DPH6: variants seen among roughly 807,000 people sequenced by gnomAD.
DPH6 encodes diphthamine biosynthesis 6, also known as diphthine--ammonia ligase.
Under a neutral mutation model 38.2 loss-of-function variants are expected in DPH6, and 33 were observed. The observed-to-expected ratio is 0.86, with a 90% CI of 0.65 to 1.15. The LOEUF (loss-of-function observed/expected upper bound fraction) is 1.15, where lower values mean the gene tolerates loss of function less well. Among genes scored for constraint, DPH6 ranks in the 50% most tolerant of loss-of-function variants. DPH6 has a pLI of 0.00. For synonymous variants in DPH6, 108 were observed against 103.0 expected (o/e 1.05, Z -0.30); for missense variants, 325 against 320.0 (o/e 1.02, Z -0.12).
At chr15:35,458,405 T>C (rs1004725929) in intron 3 of DPH6, among the ~76,000 whole-genome samples, 1 of 152,102 alleles carries the variant, frequency 6.6e-6, no homozygotes, top group Admixed American at 6.5e-5. Context: ...ACCTGAATAA[T>C]CCAGGGATAA....
At position 35,433,277 on chromosome 15, in the gene DPH6, A is replaced by C. The variant is rs148205287; in HGVS notation, c.505+17408T>G. Among the ~76,000 whole-genome samples, 650 of 152,322 alleles carry C rather than the reference A, an allele frequency of 4.3e-3. 5 individuals are homozygous for C. The highest frequency in any genetic ancestry group is 0.015 in the African/African-American group (622 of 41,566). ...AAATTAAAGGATGATAGCAATTGAT[A>C]TACACACCAACAAGTATAGGCAAGG... On this transcript the variant is annotated intron_variant, in intron 5 of 8. Transcript: ENST00000256538.
chr15:35,434,568 C>G (rs991802006), intron 5 of DPH6, among the ~76,000 whole-genome samples: 1 of 151,856 alleles, frequency 6.6e-6, no homozygotes, highest in Non-Finnish European at 1.5e-5. Context: ...AATGTTACGC[C>G]AATTATAAAA....
chr15:35,475,519 T>G (rs1005148053), intron 3 of DPH6, among the ~76,000 whole-genome samples: 33 of 151,984 alleles, frequency 2.2e-4, no homozygotes, highest in African/African-American at 7.7e-4. Flanking sequence ...TTAAAGAAAC[T>G]GCTATGCTAT....
At chr15:35,234,462 C>T (rs1336994529) in intron 3 of DPH6, among the ~76,000 whole-genome samples, 1 of 152,236 alleles carries the variant, frequency 6.6e-6, no homozygotes, top group Non-Finnish European at 1.5e-5. Context: ...ACCATGTCTA[C>T]AGCTTGAAAT....
intron 3 of DPH6, among the ~76,000 whole-genome samples, chr15:35,296,804 C>CTTTTTTTTTTTTTTTTTTTTTTT (rs772132282): frequency 1.6e-5 from 2 of 127,332 alleles, no homozygotes; most frequent in Admixed American, 7.9e-5. Flanking sequence ...GGCCTGGCTT[C>CTTTTTTTTTTTTTTTTTTTTTTT]TTTTTTTTTT....
chr15:35,171,702 G>T, the DPH6 span, among the ~76,000 whole-genome samples: 149,661 of 152,058 alleles, frequency 0.98, 73,706 homozygotes, highest in East Asian at 1. Flanking sequence ...CAGAAGTGCT[G>T]CAGACGTTGG....
chr15:35,207,284 G>A, the DPH6 span, among the ~76,000 whole-genome samples: 1 of 151,836 alleles, frequency 6.6e-6, no homozygotes, highest in African/African-American at 2.4e-5. Flanking sequence ...CTGGGCTCAA[G>A]GGATCCTCCC....
At chr15:35,352,166 G>C (rs764940731) in intron 3 of DPH6, among the ~76,000 whole-genome samples, 11 of 151,900 alleles carry the variant, frequency 7.2e-5, no homozygotes, top group Non-Finnish European at 1.6e-4. Flanking sequence ...TTGTCTTTAT[G>C]TTTAGCTTTC....
intron 1 of DPH6, 43 bp from the exon 2 acceptor site, chr15:35,542,550 C>T: frequency 1.3e-5 from 19 of 1,479,462 alleles, no homozygotes; most frequent in Non-Finnish European, 1.8e-5. Flanking sequence ...ATGCTACTGA[C>T]CATTATTCAA....
intron 3 of DPH6, chr15:35,298,857 T>C: frequency 9.9e-7 from 1 of 1,009,578 alleles, no homozygotes; most frequent in Non-Finnish European, 1.6e-6. Context: ...GTGATCGAGG[T>C]CTTGAGTCCT....
At chr15:35,218,649 C>T (rs1412348446) in exon 4 of DPH6, 2 of 151,996 alleles carry the variant, frequency 1.3e-5, no homozygotes, top group Non-Finnish European at 2.9e-5. Context: ...TATGATAATC[C>T]TCTCTTCTTT....
chr15:35,501,513 T>C (rs1269744566), intron 3 of DPH6, among the ~76,000 whole-genome samples: 1 of 152,144 alleles, frequency 6.6e-6, no homozygotes, highest in Non-Finnish European at 1.5e-5. Flanking sequence ...TTCCTGGTAA[T>C]AAAGGCTTGG....
At position 35,428,966 on chromosome 15, in the gene DPH6, C is replaced by A. The variant is rs565400691; in HGVS notation, c.506-18070G>T. On this transcript the variant is annotated intron_variant, in intron 5 of 8. Coordinates refer to ENST00000256538, the MANE Select transcript of DPH6 (RefSeq NM_080650.4). The stretch of plus-strand genomic sequence containing the variant: ...CATAAAAAAGAAAATTTAAGTTTTT[C>A]ATATTATAAAATTTCTGAAGATATG... Among the ~76,000 whole-genome samples, 223 of 152,210 alleles carry A rather than the reference C, an allele frequency of 1.5e-3. 1 individual carries two copies. Among genetic ancestry groups the A allele is most frequent in the African/African-American group, 5.2e-3 (217 of 41,542 alleles).
intron 5 of DPH6, among the ~76,000 whole-genome samples, chr15:35,438,416 GAGA>G (rs1380805122): frequency 6.6e-6 from 1 of 152,172 alleles, no homozygotes; most frequent in Non-Finnish European, 1.5e-5. Context: ...TCCATTTTGG[GAGA>G]AGCCTCCGTT....
chr15:35,266,503 G>C lies in DPH6; in HGVS notation n.201-45921C>G, dbSNP rs148674235. On this transcript the variant is annotated intron_variant and non_coding_transcript_variant, in intron 3 of 3. Transcript: ENST00000560386. ...GGGACTAAACTTTCAATTTATTTTA[G>C]TTCTGAACTAGTTAGAGTTTGCACT... is the stretch of plus-strand genomic sequence containing the variant. Among the ~76,000 whole-genome samples the C allele has an allele frequency of 4.0e-3, 613 of 152,200 alleles. 3 individuals carry two copies. Among genetic ancestry groups the C allele is most frequent in the Middle Eastern group, 0.017 (5 of 294 alleles).
intron 3 of DPH6, among the ~76,000 whole-genome samples, chr15:35,349,237 T>G (rs1208100396): frequency 1.3e-5 from 2 of 152,156 alleles, no homozygotes; most frequent in African/African-American, 2.4e-5. Flanking sequence ...TTACCAATCT[T>G]AAGAGGAAAA....
chr15:35,363,488 C>T (rs1211936655), intron 3 of DPH6, among the ~76,000 whole-genome samples: 1 of 152,020 alleles, frequency 6.6e-6, no homozygotes, highest in Non-Finnish European at 1.5e-5. Flanking sequence ...CACACTCTTA[C>T]TTTCATTCTT....
At chr15:35,424,830 G>GA (rs2053548663) in intron 5 of DPH6, among the ~76,000 whole-genome samples, 1 of 151,606 alleles carries the variant, frequency 6.6e-6, no homozygotes, top group Non-Finnish European at 1.5e-5. Context: ...CCTAGGACTT[G>GA]AACTTAATCC....
intron 5 of DPH6, among the ~76,000 whole-genome samples, chr15:35,436,401 G>C (rs566611473): frequency 6.6e-6 from 1 of 151,816 alleles, no homozygotes; most frequent in Non-Finnish European, 1.5e-5. Context: ...GGGAGGCGGA[G>C]CTTGCAATGA....
Sources: gnomAD v4.1 joint callset for allele counts (sites outside exome capture counted in the v4.1 genomes callset) on GRCh38, gnomAD v4.1.1 for gene constraint, MANE v1.5 for transcripts, NCBI Gene and HGNC (gene_info 2026-07-23, HGNC 2026-07-21) for gene names.